Variants in SHROOM3 observed in about 807,000 individuals in gnomAD.
SHROOM3 encodes shroom family member 3, also known as protein Shroom3.
In SHROOM3, 47 loss-of-function variants were observed where a neutral mutation model predicts 138.6. The ratio of observed to expected loss-of-function variants is 0.34; its 90% CI spans 0.27 to 0.43. SHROOM3 has a LOEUF of 0.43. Ranked by LOEUF, SHROOM3 falls within the 20% of genes least tolerant of loss-of-function variation. SHROOM3 has a pLI of 1.00. For synonymous variants in SHROOM3, 1,062 were observed against 1,063.3 expected (o/e 1.00, Z 0.02); for missense variants, 2,491 against 2,596.5 (o/e 0.96, Z 0.88).
chr4:76,494,657 G>A (rs1214636284), intron 1 of SHROOM3, among the ~76,000 whole-genome samples: 1 of 152,218 alleles, frequency 6.6e-6, no homozygotes, highest in Non-Finnish European at 1.5e-5. Flanking sequence ...GTAAGGGGGT[G>A]TCCCCTCCAA....
At chr4:76,496,061 A>C (rs2068062) in intron 1 of SHROOM3, among the ~76,000 whole-genome samples, 87,082 of 152,086 alleles carry the variant, frequency 0.57, 25,770 homozygotes, top group Non-Finnish European at 0.64. Context: ...ACAGGTAACA[A>C]GTGTCAAGAT....
intron 2 of SHROOM3, among the ~76,000 whole-genome samples, chr4:76,584,160 A>T (rs973620193): frequency 2.0e-5 from 3 of 152,118 alleles, no homozygotes. Flanking sequence ...ACTAAAAAAA[A>T]ATAAAAAATT....
At chr4:76,772,218 C>G (rs1207477927) in intron 10 of SHROOM3, among the ~76,000 whole-genome samples, 1 of 151,506 alleles carries the variant, frequency 6.6e-6, no homozygotes, top group Non-Finnish European at 1.5e-5. Context: ...ATTCTCATGC[C>G]TCGGCCTCCC....
chr4:76,538,447 G>T (rs11097403), intron 1 of SHROOM3, among the ~76,000 whole-genome samples: 84,463 of 151,836 alleles, frequency 0.56, 23,952 homozygotes, highest in East Asian at 0.78. Flanking sequence ...GTGAGGATAT[G>T]GGTGTCACTA....
At chr4:76,759,333 T>G (rs1721920370) in intron 8 of SHROOM3, among the ~76,000 whole-genome samples, 1 of 152,254 alleles carries the variant, frequency 6.6e-6, no homozygotes, top group Non-Finnish European at 1.5e-5. Context: ...TCCCTAATGC[T>G]GCTTTTGGTG....
At chr4:76,744,082 T>C (rs1173785694) in intron 5 of SHROOM3, among the ~76,000 whole-genome samples, 1 of 152,220 alleles carries the variant, frequency 6.6e-6, no homozygotes, top group Non-Finnish European at 1.5e-5. Flanking sequence ...CCCCCAAATA[T>C]TTCTTAAGCC....
At chr4:76,595,118 A>C (rs1285460634) in intron 2 of SHROOM3, among the ~76,000 whole-genome samples, 1 of 152,210 alleles carries the variant, frequency 6.6e-6, no homozygotes, top group Admixed American at 6.5e-5. Context: ...AGGAATAATC[A>C]AAGTTTCTAC....
At chr4:76,511,074 C>T (rs1008369002) in intron 1 of SHROOM3, among the ~76,000 whole-genome samples, 2 of 151,822 alleles carry the variant, frequency 1.3e-5, no homozygotes, top group African/African-American at 4.8e-5. Context: ...CTCAGCTACT[C>T]GGGAGGCTGA....
At chr4:76,773,263 A>T (rs1334219018) in intron 10 of SHROOM3, among the ~76,000 whole-genome samples, 1 of 151,448 alleles carries the variant, frequency 6.6e-6, no homozygotes, top group Non-Finnish European at 1.5e-5. Flanking sequence ...AATCCCAGCT[A>T]CTCAGGAGGC....
At chr4:76,525,156 A>C (rs1226129659) in intron 1 of SHROOM3, among the ~76,000 whole-genome samples, 1 of 152,192 alleles carries the variant, frequency 6.6e-6, no homozygotes, top group Non-Finnish European at 1.5e-5. Flanking sequence ...GTAATTTATA[A>C]AGGAAAGAGG....
chr4:76,753,532 C>T (rs181235399), intron 6 of SHROOM3, among the ~76,000 whole-genome samples: 3 of 152,330 alleles, frequency 2.0e-5, no homozygotes, highest in East Asian at 1.9e-4. Context: ...GCTTTTTATC[C>T]TCACATTAAC....
intron 1 of SHROOM3, among the ~76,000 whole-genome samples, chr4:76,477,987 A>G (rs28591598): frequency 0.048 from 7,350 of 152,262 alleles, 205 homozygotes; most frequent in Middle Eastern, 0.075. Context: ...CCCACAGACC[A>G]GGAGACTCTC....
At chr4:76,450,600 A>G (rs1024095316) in intron 1 of SHROOM3, among the ~76,000 whole-genome samples, 12 of 152,242 alleles carry the variant, frequency 7.9e-5, no homozygotes, top group Admixed American at 6.5e-4. Flanking sequence ...TATTATGCTC[A>G]GTGAAAGACA....
chr4:76,775,330 G>A (rs1722516561), intron 10 of SHROOM3, among the ~76,000 whole-genome samples: 1 of 151,834 alleles, frequency 6.6e-6, no homozygotes, highest in African/African-American at 2.4e-5. Flanking sequence ...GGGTGTGTGT[G>A]TGTGTGTGTG....
At chr4:76,661,452 G>C (rs1166391577) in intron 2 of SHROOM3, among the ~76,000 whole-genome samples, 1 of 151,876 alleles carries the variant, frequency 6.6e-6, no homozygotes, top group Admixed American at 6.6e-5. Context: ...GGATGGTCTC[G>C]ATCTCCTGAC....
At chr4:76,617,076 A>G (rs1734898362) in intron 2 of SHROOM3, among the ~76,000 whole-genome samples, 1 of 152,262 alleles carries the variant, frequency 6.6e-6, no homozygotes, top group African/African-American at 2.4e-5. Flanking sequence ...TTACCCGCAC[A>G]GGCTAATGGT....
intron 2 of SHROOM3, among the ~76,000 whole-genome samples, chr4:76,618,319 ATGT>A (rs1439505313): frequency 6.6e-6 from 1 of 152,144 alleles, no homozygotes; most frequent in Non-Finnish European, 1.5e-5. Flanking sequence ...AAAGTAATTA[ATGT>A]TGTTAAAACC....
chr4:76,517,625 A>G (rs1353695862), intron 1 of SHROOM3, among the ~76,000 whole-genome samples: 3 of 151,002 alleles, frequency 2.0e-5, no homozygotes, highest in African/African-American at 4.9e-5. Flanking sequence ...TGTTTGGTAT[A>G]TATATATATA....
At chr4:76,686,187 T>C (rs1719330273) in intron 2 of SHROOM3, among the ~76,000 whole-genome samples, 1 of 151,980 alleles carries the variant, frequency 6.6e-6, no homozygotes, top group Non-Finnish European at 1.5e-5. Flanking sequence ...CTAATTTTTT[T>C]ATTTTTATTT....
Sources: gnomAD v4.1 joint callset for allele counts (sites outside exome capture counted in the v4.1 genomes callset) on GRCh38, gnomAD v4.1.1 for gene constraint, MANE v1.5 for transcripts, NCBI Gene and HGNC (gene_info 2026-07-23, HGNC 2026-07-21) for gene names.